Variants in C16orf89 observed in about 807,000 individuals in gnomAD.
C16orf89 encodes chromosome 16 open reading frame 89, also known as UPF0764 protein C16orf89.
In C16orf89, 57 loss-of-function variants were observed where a neutral mutation model predicts 41.5. That is an observed-to-expected ratio of 1.38 (90% confidence interval 1.11 to 1.71). C16orf89 has a LOEUF of 1.71. Among genes scored for constraint, C16orf89 ranks in the 40% most tolerant of loss-of-function variants. The pLI is 0.00. For synonymous variants in C16orf89, 223 were observed against 190.6 expected (o/e 1.17, Z -1.40); for missense variants, 575 against 445.9 (o/e 1.29, Z -2.61).
In C16orf89 at chr16:5,056,795, A is replaced by G. The variant is rs1423853017; in HGVS notation, c.628-607T>C. 2.6e-5 allele frequency among the ~76,000 whole-genome samples: 4 copies of G among 152,338 alleles called. No individual in the cohort carries two copies. The East Asian group carries it at 7.7e-4, about 29-fold the overall frequency. ...GTAATATGGTTTTTATTGTATTTAT[A>G]AAAATATTGGGCTGTCACAGCTTGC... is the stretch of plus-strand genomic sequence containing the variant. On this transcript the variant is annotated intron_variant, in intron 4 of 7. Transcript: ENST00000472572.
chr16:5,059,321 C>G (rs1258185584), intron 3 of C16orf89, among the ~76,000 whole-genome samples: 1 of 151,446 alleles, frequency 6.6e-6, no homozygotes. Context: ...CAAAAATTAG[C>G]CGGGCATGGT....
intron 1 of C16orf89, among the ~76,000 whole-genome samples, chr16:5,064,111 C>T (rs139259854): frequency 0.012 from 1,867 of 151,818 alleles, 20 homozygotes; most frequent in South Asian, 0.026. Context: ...GGCGACAGAG[C>T]GAGACTCCGT....
At chr16:5,046,014 G>A (rs1956289276) in intron 7 of C16orf89, among the ~76,000 whole-genome samples, 1 of 152,192 alleles carries the variant, frequency 6.6e-6, no homozygotes, top group Non-Finnish European at 1.5e-5. Flanking sequence ...GTAGTACACA[G>A]CAGGCCCCTA....
chr16:5,064,442 C>G (rs746360398), intron 1 of C16orf89, among the ~76,000 whole-genome samples: 1 of 152,190 alleles, frequency 6.6e-6, no homozygotes, highest in African/African-American at 2.4e-5. Context: ...CATATACACA[C>G]AATCTCATGA....
chr16:5,044,028 A>G (rs1956246543), downstream of C16orf89: 2 of 762,578 alleles, frequency 2.6e-6, no homozygotes, highest in Middle Eastern at 6.1e-4. Context: ...AAAAAGAAAA[A>G]AGAATTTGTG....
intron 6 of C16orf89, among the ~76,000 whole-genome samples, chr16:5,048,290 C>T (rs1297535800): frequency 2.0e-5 from 3 of 152,154 alleles, no homozygotes; most frequent in African/African-American, 7.2e-5. Flanking sequence ...CAGCCTTGGC[C>T]TCCCAAAGTA....
intron 6 of C16orf89, among the ~76,000 whole-genome samples, chr16:5,050,051 A>G (rs1333580312): frequency 2.0e-5 from 3 of 152,176 alleles, no homozygotes; most frequent in African/African-American, 4.8e-5. Flanking sequence ...ATTAGAGACT[A>G]TTATAAACAA....
At chr16:5,054,394 C>T (rs539546014) in intron 6 of C16orf89, among the ~76,000 whole-genome samples, 26 of 152,312 alleles carry the variant, frequency 1.7e-4, no homozygotes, top group Admixed American at 3.9e-4. Context: ...CCCTCTGCTA[C>T]GTCACCTCCT....
At chr16:5,045,604 C>A (rs1261966919) in intron 7 of C16orf89, among the ~76,000 whole-genome samples, 1 of 152,116 alleles carries the variant, frequency 6.6e-6, no homozygotes, top group Non-Finnish European at 1.5e-5. Context: ...GCAGCTCATG[C>A]CTCTCAGTGG....
At chr16:5,057,210 C>A (rs1362473930) in intron 4 of C16orf89, among the ~76,000 whole-genome samples, 4 of 146,374 alleles carry the variant, frequency 2.7e-5, no homozygotes, top group African/African-American at 1.0e-4. Context: ...GCACTCCAGC[C>A]TGGGCAACAG....
chr16:5,058,136 C>G (rs1296426371), intron 4 of C16orf89, among the ~76,000 whole-genome samples: 1 of 150,918 alleles, frequency 6.6e-6, no homozygotes, highest in East Asian at 2.0e-4. Context: ...TTTCTTTTTT[C>G]TTTTTTTTTG....
At chr16:5,062,358 G>T in intron 2 of C16orf89, 67 bp downstream of exon 2, 7 of 1,509,138 alleles carry the variant, frequency 4.6e-6, no homozygotes, top group Non-Finnish European at 6.2e-6. Flanking sequence ...GCCCACGCTG[G>T]GTTATTTCAG....
chr16:5,057,283 T>C (rs895599272), intron 4 of C16orf89, among the ~76,000 whole-genome samples: 1 of 129,576 alleles, frequency 7.7e-6, no homozygotes, highest in Non-Finnish European at 1.7e-5. Flanking sequence ...TATATGTATA[T>C]ATATATGTGT....
intron 5 of C16orf89, chr16:5,055,579 A>G (rs2142639201): frequency 1.6e-6 from 2 of 1,251,632 alleles, no homozygotes; most frequent in Non-Finnish European, 2.2e-6. Context: ...GGGCTGCTCC[A>G]AAGTCAGGAT....
chr16:5,052,603 GAA>G lies in C16orf89; in HGVS notation c.868+2641_868+2642del, dbSNP rs35043310. On this transcript the variant is annotated intron_variant, in intron 6 of 7. Coordinates refer to ENST00000472572, the MANE Select transcript of C16orf89 (RefSeq NM_001098514.3). The stretch of plus-strand genomic sequence containing the variant: ...GAGACCCTGTCTAAAAAGAAAGAAA[GAA>G]AAAAAAAAAAGACAACAGATAACAA... 3.1e-4 allele frequency among the ~76,000 whole-genome samples: 44 copies of G among 142,590 alleles called. 1 individual carries two copies. The highest frequency in any genetic ancestry group is 1.1e-3 in the South Asian group (5 of 4,440). The allele number at this position is 142,590 out of a possible 152,430, so 93.5% of individuals were successfully genotyped here.
chr16:5,055,522 A>G (rs1429731868), intron 5 of C16orf89, 172 bp from the exon 6 acceptor site: 1 of 959,652 alleles, frequency 1.0e-6, no homozygotes, highest in African/African-American at 1.7e-5. Flanking sequence ...CTGACCAACT[A>G]GGGGCTCCCA....
intron 4 of C16orf89, among the ~76,000 whole-genome samples, chr16:5,057,028 C>T (rs762582173): frequency 4.6e-5 from 7 of 151,632 alleles, no homozygotes; most frequent in South Asian, 2.1e-4. Flanking sequence ...TCACGAGGTC[C>T]GGAATTCAAG....
chr16:5,057,715 G>C (rs1328856542), intron 4 of C16orf89, among the ~76,000 whole-genome samples: 1 of 151,762 alleles, frequency 6.6e-6, no homozygotes, highest in African/African-American at 2.4e-5. Context: ...TTTTAGTAGA[G>C]ACGGGATTTT....
rs140431518 is a variant in C16orf89 at position 5,060,794 on chromosome 16, G to A, written c.359-358C>T. ...GAAGGAAGATCGCTTGAGGCCCAAC[G>A]TTCAAGACCAGCCTAGGCAACATAG... is the stretch of plus-strand genomic sequence containing the variant. On this transcript the variant is annotated intron_variant, in intron 2 of 7. Transcript: ENST00000472572. Among the ~76,000 whole-genome samples the A allele has an allele frequency of 1.6e-4, 24 of 152,062 alleles. 1 individual carries two copies. The highest frequency in any genetic ancestry group is 1.2e-3 in the East Asian group (6 of 5,106).
Sources: allele counts gnomAD v4.1 joint callset (sites outside exome capture counted in the v4.1 genomes callset), GRCh38; gene constraint gnomAD v4.1.1; transcripts MANE v1.5; gene names NCBI Gene and HGNC (gene_info 2026-07-23, HGNC 2026-07-21).